Variants in NHSL3 observed in about 807,000 individuals in gnomAD.
The protein encoded by NHSL3 is NHS-like protein 3.
the NHSL3 span, among the ~76,000 whole-genome samples, chr1:32,749,624 A>C: frequency 6.6e-6 from 1 of 152,160 alleles, no homozygotes; most frequent in Non-Finnish European, 1.5e-5. Context: ...TCCTTTCTTC[A>C]GACTTCAAAT....
chr1:32,770,380 A>G, the NHSL3 span: 4 of 1,608,368 alleles, frequency 2.5e-6, no homozygotes, highest in East Asian at 4.5e-5. The surrounding 1 kb of genome is among the most constrained non-coding windows in gnomAD (Gnocchi z 8.3). Flanking sequence ...CTCCGTCTCC[A>G]GCCCACAGCC....
the NHSL3 span, chr1:32,771,500 C>T: frequency 1.3e-6 from 2 of 1,584,156 alleles, no homozygotes; most frequent in Non-Finnish European, 1.7e-6. Flanking sequence ...CCTCCCCCAC[C>T]CCCTGCCCCT....
At chr1:32,770,529 C>G in the NHSL3 span, 1 of 1,540,424 alleles carries the variant, frequency 6.5e-7, no homozygotes. The surrounding 1 kb of genome is among the most constrained non-coding windows in gnomAD (Gnocchi z 8.3). Flanking sequence ...CTAGCAATAG[C>G]GTGGTACCCC....
the NHSL3 span, chr1:32,770,982 C>T: frequency 6.2e-7 from 1 of 1,611,570 alleles, no homozygotes; most frequent in Admixed American, 1.7e-5. The surrounding 1 kb of genome is among the most constrained non-coding windows in gnomAD (Gnocchi z 8.3). Context: ...TGGCAGGTCC[C>T]CCTGCTTCCC....
chr1:32,746,246 A>AG, the NHSL3 span, among the ~76,000 whole-genome samples: 2 of 149,882 alleles, frequency 1.3e-5, no homozygotes, highest in South Asian at 2.1e-4. Context: ...AAAAAAAAAA[A>AG]ACAAAAAAGA....
the NHSL3 span, among the ~76,000 whole-genome samples, chr1:32,763,738 A>G: frequency 1.3e-5 from 2 of 151,632 alleles, no homozygotes; most frequent in Non-Finnish European, 2.9e-5. Context: ...CGCCCGGCTA[A>G]TTTTTTTGTA....
At chr1:32,758,255 G>A in the NHSL3 span, among the ~76,000 whole-genome samples, 1 of 152,136 alleles carries the variant, frequency 6.6e-6, no homozygotes, top group Non-Finnish European at 1.5e-5. Flanking sequence ...AACCCAGGAA[G>A]ACCCGCCCTC....
chr1:32,772,465 AG>A, the NHSL3 span: 31 of 1,507,090 alleles, frequency 2.1e-5, no homozygotes, highest in East Asian at 6.4e-4. Context: ...TGCTAGGGTG[AG>A]GTCCCATTGC....
At chr1:32,763,876 TTTTA>T in the NHSL3 span, among the ~76,000 whole-genome samples, 1 of 151,790 alleles carries the variant, frequency 6.6e-6, no homozygotes, top group African/African-American at 2.4e-5. Context: ...GCCTGGCTGA[TTTTA>T]TTTTTTAAAG....
At chr1:32,759,077 CCAGT>C in the NHSL3 span, among the ~76,000 whole-genome samples, 27 of 152,178 alleles carry the variant, frequency 1.8e-4, no homozygotes, top group African/African-American at 6.5e-4. Flanking sequence ...GATTTTGCAG[CCAGT>C]CAGAGTTGGG....
chr1:32,769,859 C>A, the NHSL3 span: 49 of 1,611,362 alleles, frequency 3.0e-5, no homozygotes, highest in Non-Finnish European at 4.2e-5. Context: ...GCTGACCCCA[C>A]CTCCTCCCTG....
At chr1:32,761,850 G>A in the NHSL3 span, among the ~76,000 whole-genome samples, 1 of 152,182 alleles carries the variant, frequency 6.6e-6, no homozygotes, top group East Asian at 1.9e-4. Flanking sequence ...GGGAAGAGTG[G>A]GGAAGGTAGG....
the NHSL3 span, chr1:32,741,882 C>G: frequency 3.5e-5 from 6 of 169,722 alleles, no homozygotes; most frequent in African/African-American, 7.3e-5. This position sits in a 1 kb window ranked among gnomAD's most constrained non-coding sequence, Gnocchi z 4.3. Context: ...GCGCGCGTCC[C>G]CGGCGGCCGC....
At chr1:32,748,152 G>A in the NHSL3 span, among the ~76,000 whole-genome samples, 80,657 of 151,706 alleles carry the variant, frequency 0.53, 21,694 homozygotes, top group Admixed American at 0.64. Context: ...AGTGGCAGGC[G>A]CCTGTAGTCC....
the NHSL3 span, among the ~76,000 whole-genome samples, chr1:32,752,877 C>T: frequency 7.1e-6 from 1 of 141,770 alleles, no homozygotes; most frequent in Non-Finnish European, 1.5e-5. Context: ...CAATGCCTGG[C>T]GTTTTTAAAG....
At chr1:32,770,025 G>A in the NHSL3 span, 577,081 of 1,590,098 alleles carry the variant, frequency 0.36, 109,406 homozygotes, top group East Asian at 0.49. The surrounding 1 kb of genome is among the most constrained non-coding windows in gnomAD (Gnocchi z 8.3). Flanking sequence ...AGGCGGAGGC[G>A]GAGGCTGGCG....
At chr1:32,754,461 A>T in the NHSL3 span, among the ~76,000 whole-genome samples, 2 of 151,522 alleles carry the variant, frequency 1.3e-5, no homozygotes, top group Non-Finnish European at 2.9e-5. Context: ...TCACACCCAC[A>T]CTCTCGTACC....
the NHSL3 span, chr1:32,742,117 G>C: frequency 1.8e-5 from 22 of 1,248,294 alleles, no homozygotes; most frequent in Non-Finnish European, 2.0e-5. Context: ...GGGGGCCGAG[G>C]GCGCCGAACC....
At chr1:32,765,935 C>T in the NHSL3 span, 1 of 1,072,296 alleles carries the variant, frequency 9.3e-7, no homozygotes, top group East Asian at 2.6e-5. Flanking sequence ...TGGGGTGGGG[C>T]TGGGGGCTGA....
Sources: allele counts gnomAD v4.1 joint callset (sites outside exome capture counted in the v4.1 genomes callset), GRCh38; gene constraint gnomAD v4.1.1; non-coding constraint Gnocchi (gnomAD v3.1); transcripts MANE v1.5; gene names NCBI Gene and HGNC (gene_info 2026-07-23, HGNC 2026-07-21).